LYG1: variants seen among roughly 807,000 people sequenced by gnomAD.
LYG1 encodes the protein lysozyme g1, also known as lysozyme g-like protein 1.
In LYG1, 17 loss-of-function variants were observed where a neutral mutation model predicts 21.7. The observed-to-expected ratio is 0.78, with a 90% CI of 0.54 to 1.18. LYG1 has a LOEUF of 1.18. Among genes scored for constraint, LYG1 ranks in the 50% most tolerant of loss-of-function variants. The pLI is 0.00. For synonymous variants in LYG1, 81 were observed against 87.4 expected, an observed-to-expected ratio of 0.93 and a Z score of 0.41; for missense variants, 211 against 238.1, an observed-to-expected ratio of 0.89 and a Z score of 0.75.
intron 2 of LYG1, among the ~76,000 whole-genome samples, chr2:99,297,758 A>G (rs1041916792): frequency 1.3e-5 from 2 of 152,200 alleles, no homozygotes; most frequent in Non-Finnish European, 2.9e-5. Context: ...TCTGTCACCC[A>G]GGCTGGAGTG....
intron 4 of LYG1, 79 bp downstream of exon 4, chr2:99,292,457 T>C: frequency 9.1e-7 from 1 of 1,101,772 alleles, no homozygotes; most frequent in Non-Finnish European, 1.4e-6. Flanking sequence ...CCGGAACTCT[T>C]TCCAACACTC....
At chr2:99,300,342 C>T (rs946050641) in intron 1 of LYG1, among the ~76,000 whole-genome samples, 39 of 152,186 alleles carry the variant, frequency 2.6e-4, no homozygotes, top group African/African-American at 8.7e-4. Flanking sequence ...TCTCTCAGTG[C>T]GTCCTCTGTG....
chr2:99,299,521 C>A (rs1460345289), intron 1 of LYG1, among the ~76,000 whole-genome samples: 1 of 150,422 alleles, frequency 6.6e-6, no homozygotes, highest in Non-Finnish European at 1.5e-5. Flanking sequence ...CCTGCCTGAG[C>A]TCAGGTGATT....
At chr2:99,299,312 G>A (rs1468512819) in intron 1 of LYG1, among the ~76,000 whole-genome samples, 1 of 138,040 alleles carries the variant, frequency 7.2e-6, no homozygotes, top group Admixed American at 7.4e-5. Flanking sequence ...ATCGAGACAA[G>A]GTCTCACTCT....
chr2:99,302,660 C>T (rs11123782), upstream of LYG1, among the ~76,000 whole-genome samples: 56,259 of 151,900 alleles, frequency 0.37, 11,194 homozygotes, highest in East Asian at 0.63. Context: ...TGATTTAAAG[C>T]GTATTTATGA....
At chr2:99,293,931 T>A (rs985953875) in intron 3 of LYG1, among the ~76,000 whole-genome samples, 1 of 152,016 alleles carries the variant, frequency 6.6e-6, no homozygotes, top group South Asian at 2.1e-4. Flanking sequence ...ATTAATTAAT[T>A]AATTTATCTA....
At chr2:99,301,328 T>C (rs2094153262), upstream of LYG1, among the ~76,000 whole-genome samples, 1 of 150,546 alleles carries the variant, frequency 6.6e-6, no homozygotes, top group Non-Finnish European at 1.5e-5. Flanking sequence ...CACATTGAGG[T>C]CCAACACTTG....
At chr2:99,302,752 C>T (rs943285528), upstream of LYG1, among the ~76,000 whole-genome samples, 11 of 152,118 alleles carry the variant, frequency 7.2e-5, no homozygotes, top group African/African-American at 2.7e-4. Flanking sequence ...GGCACAGAGC[C>T]TCACGTCTGT....
In LYG1 at chr2:99,291,252, C is replaced by G. The variant is rs780599826; in HGVS notation, c.318G>C (p.Arg106Ser). Residue 106 changes from arginine (R) to serine (S), a missense_variant, in exon 5 of 7, where the codon AGG (arginine) becomes AGC (serine). Coordinates refer to ENST00000308528, the MANE Select transcript of LYG1 (RefSeq NM_174898.3). ...GDKILVNMGD[R>S]TSMVQDPGSQ... ...GAAGAGTTACCTGCACCATGCTAGT[C>G]CTATCGCCCATGTTGACCAGAATTT... The G allele has an allele frequency of 3.7e-6, 6 of 1,614,104 alleles. No homozygotes were observed. In the East Asian group the frequency reaches 1.1e-4, roughly 30 times the overall value.
chr2:99,294,819 T>TA (rs1559222416), intron 3 of LYG1, among the ~76,000 whole-genome samples: 1 of 152,098 alleles, frequency 6.6e-6, no homozygotes, highest in East Asian at 1.9e-4. Flanking sequence ...TTTTATTTAT[T>TA]AAAAAACAAG....
chr2:99,302,539 A>G (rs2094157616), upstream of LYG1, among the ~76,000 whole-genome samples: 1 of 152,222 alleles, frequency 6.6e-6, no homozygotes, highest in Non-Finnish European at 1.5e-5. Context: ...TAGCACCTAC[A>G]GCACTTTGGT....
At chr2:99,284,627 T>G (rs1030026418) in intron 6 of LYG1, 61 bp downstream of exon 6, 1 of 1,600,766 alleles carries the variant, frequency 6.2e-7, no homozygotes, top group Middle Eastern at 1.7e-4. Flanking sequence ...TGGTGCAATG[T>G]ATTATATTTG....
intron 3 of LYG1, among the ~76,000 whole-genome samples, chr2:99,293,926 T>C (rs538536559): frequency 1.7e-4 from 26 of 152,130 alleles, no homozygotes; most frequent in Non-Finnish European, 3.8e-4. Flanking sequence ...AATTAATTAA[T>C]TAATTAATTT....
At chr2:99,297,523 A>G (rs960335880) in intron 2 of LYG1, among the ~76,000 whole-genome samples, 4 of 152,196 alleles carry the variant, frequency 2.6e-5, no homozygotes, top group African/African-American at 9.6e-5. Context: ...TTATTGTAAC[A>G]GGAGAGCTAC....
intron 3 of LYG1, among the ~76,000 whole-genome samples, chr2:99,292,997 T>TG (rs1250079495): frequency 7.0e-6 from 1 of 143,120 alleles, no homozygotes; most frequent in Non-Finnish European, 1.5e-5. Flanking sequence ...TTTTTTTTTT[T>TG]TTTTTTTTTT....
chr2:99,293,289 G>C (rs2094126394), intron 3 of LYG1, among the ~76,000 whole-genome samples: 1 of 152,172 alleles, frequency 6.6e-6, no homozygotes, highest in African/African-American at 2.4e-5. Flanking sequence ...ACCGCGCCCA[G>C]CCTCTTCTTT....
In LYG1 at chr2:99,289,840, TTTGTTGTTG is replaced by T. The variant is rs55751852; in HGVS notation, c.333+1388_333+1396del. Among the ~76,000 whole-genome samples the T allele has an allele frequency of 3.3e-4, 50 of 150,750 alleles. No homozygotes were observed. In the South Asian group the frequency reaches 6.7e-3, roughly 20 times the overall value. ...TGTCCAAATCTAGAGAATTCTCTTGTTTGTTGTTGTTGTTGTTGTTGTTGTTGTTGTTTT... is the reference window on the plus strand; with the variant it reads ...TGTCCAAATCTAGAGAATTCTCTTGTTTGTTGTTGTTGTTGTTGTTGTTTT... On this transcript the variant is annotated intron_variant, in intron 5 of 6. Coordinates refer to ENST00000308528, the MANE Select transcript of LYG1 (RefSeq NM_174898.3).
intron 5 of LYG1, among the ~76,000 whole-genome samples, chr2:99,286,130 C>T (rs560406341): frequency 2.1e-4 from 32 of 152,192 alleles, no homozygotes; most frequent in Non-Finnish European, 4.4e-4. Context: ...CCTGAGCCAC[C>T]CTGGGACTCT....
At chr2:99,285,405 G>T (rs2094096142) in intron 5 of LYG1, among the ~76,000 whole-genome samples, 1 of 151,794 alleles carries the variant, frequency 6.6e-6, no homozygotes, top group Non-Finnish European at 1.5e-5. Flanking sequence ...AATATTTGCA[G>T]TAAGGAGACA....
Sources: allele counts gnomAD v4.1 joint callset (sites outside exome capture counted in the v4.1 genomes callset), GRCh38; gene constraint gnomAD v4.1.1; transcripts MANE v1.5; gene names NCBI Gene and HGNC (gene_info 2026-07-23, HGNC 2026-07-21).